SLC25A26: variants seen among roughly 807,000 people sequenced by gnomAD.
The protein encoded by SLC25A26 is mitochondrial S-adenosylmethionine carrier protein.
SLC25A26 carries 36 observed loss-of-function variants against 37.8 expected under a neutral mutation model. The observed-to-expected ratio is 0.95, with a 90% CI of 0.73 to 1.26. The LOEUF is 1.26. SLC25A26 is among the 50% of genes most tolerant of loss of function. The pLI is 0.00. For missense variants in SLC25A26, 390 were observed against 331.1 expected (o/e 1.18, Z -1.38); for synonymous variants, 129 against 122.5 (o/e 1.05, Z -0.35).
Position 66,243,347 on chromosome 3 carries a change from A to G in SLC25A26, c.300+35A>G, listed in dbSNP as rs1327242774. Reference sequence around the variant, plus strand: ...AAGTTTTGTGTATAAAATACTTCAGAAATGCACATCATGCATATATTTTCA... The same window carrying G: ...AAGTTTTGTGTATAAAATACTTCAGGAATGCACATCATGCATATATTTTCA... On this transcript the variant is annotated intron_variant, in intron 3 of 9. Transcript: ENST00000354883. 5.9e-6 allele frequency: 6 copies of G among 1,009,188 alleles called. No individual in the cohort carries two copies. In the East Asian group the frequency reaches 1.4e-4, roughly 24 times the overall value. 62.5% of individuals were successfully genotyped at this position (1,009,188 alleles called of 1,614,324 possible).
intron 5 of SLC25A26, among the ~76,000 whole-genome samples, chr3:66,338,099 A>G (rs960996328): frequency 6.6e-6 from 1 of 152,026 alleles, no homozygotes; most frequent in Admixed American, 6.5e-5. Context: ...ATAGAATCAT[A>G]TAGTCTGCAC....
chr3:66,328,456 A>G (rs1411208372), intron 5 of SLC25A26, among the ~76,000 whole-genome samples: 1 of 152,102 alleles, frequency 6.6e-6, no homozygotes, highest in African/African-American at 2.4e-5. Context: ...TGGACTCTAG[A>G]TTTCCTCATC....
chr3:66,363,522 T>C (rs1026411524), intron 7 of SLC25A26, among the ~76,000 whole-genome samples: 2 of 152,242 alleles, frequency 1.3e-5, no homozygotes, highest in African/African-American at 4.8e-5. Context: ...CTAAGTCATA[T>C]GAATTTTCAA....
chr3:66,300,011 T>G (rs895252814), intron 5 of SLC25A26, among the ~76,000 whole-genome samples: 2 of 152,204 alleles, frequency 1.3e-5, no homozygotes, highest in African/African-American at 4.8e-5. Flanking sequence ...ACGCAGCATC[T>G]GAGTTTCAGC....
chr3:66,183,462 G>A (rs527549206), intron 1 of SLC25A26, among the ~76,000 whole-genome samples: 6 of 151,740 alleles, frequency 4.0e-5, no homozygotes, highest in South Asian at 2.1e-4. Context: ...CCGTGTCCCC[G>A]AACATATGGC....
At chr3:66,353,608 G>GA (rs2076510073) in intron 6 of SLC25A26, among the ~76,000 whole-genome samples, 1 of 152,208 alleles carries the variant, frequency 6.6e-6, no homozygotes, top group South Asian at 2.1e-4. Flanking sequence ...TCAGCTCATT[G>GA]AAGGCATTTC....
At chr3:66,167,437 T>C (rs2070439943) in intron 1 of SLC25A26, among the ~76,000 whole-genome samples, 1 of 152,106 alleles carries the variant, frequency 6.6e-6, no homozygotes, top group Non-Finnish European at 1.5e-5. Flanking sequence ...GTAAGAGAGG[T>C]AGTTTGGCTT....
chr3:66,241,470 A>G (rs1229811642), intron 2 of SLC25A26, among the ~76,000 whole-genome samples: 1 of 152,176 alleles, frequency 6.6e-6, no homozygotes. Context: ...AAGATGTACA[A>G]TTAGCTGTAG....
At chr3:66,202,565 A>G (rs2071125478) in intron 1 of SLC25A26, among the ~76,000 whole-genome samples, 2 of 151,344 alleles carry the variant, frequency 1.3e-5, no homozygotes, top group Admixed American at 6.6e-5. Flanking sequence ...AAAAAAATCT[A>G]TTGGCAAAGT....
intron 5 of SLC25A26, among the ~76,000 whole-genome samples, chr3:66,266,225 A>G (rs912891260): frequency 1.3e-5 from 2 of 152,250 alleles, no homozygotes; most frequent in Non-Finnish European, 1.5e-5. Context: ...ATAGAATGAG[A>G]GAAGAATTAT....
chr3:66,332,125 A>G (rs1469534074), intron 5 of SLC25A26, among the ~76,000 whole-genome samples: 1 of 151,744 alleles, frequency 6.6e-6, no homozygotes, highest in Admixed American at 6.6e-5. Context: ...TTTGGTAGAG[A>G]TGGGGTTTCA....
chr3:66,190,026 T>C (rs2070906788), intron 1 of SLC25A26, among the ~76,000 whole-genome samples: 1 of 152,056 alleles, frequency 6.6e-6, no homozygotes, highest in African/African-American at 2.4e-5. Context: ...GAAACTACAG[T>C]TGAGGCTGGG....
At chr3:66,260,862 A>T (rs1363085616) in intron 3 of SLC25A26, among the ~76,000 whole-genome samples, 1 of 152,262 alleles carries the variant, frequency 6.6e-6, no homozygotes, top group Non-Finnish European at 1.5e-5. Flanking sequence ...GTGGCTTGCA[A>T]ACTGTAAAAT....
rs551882491 is a variant in SLC25A26 at position 66,258,560 on chromosome 3, A to G, written c.301-3491A>G. Among the ~76,000 whole-genome samples, 100 of 152,356 alleles carry G rather than the reference A, an allele frequency of 6.6e-4. 1 individual carries two copies. Among genetic ancestry groups the G allele is most frequent in the African/African-American group, 2.3e-3 (97 of 41,588 alleles). On this transcript the variant is annotated intron_variant, in intron 3 of 9. Transcript: ENST00000354883. Reference sequence around the variant, plus strand: ...CCAAACAGCACTGTTCAATGGAGATATAATGTAAGATGCAGGTGAAATTTT... The same window carrying G: ...CCAAACAGCACTGTTCAATGGAGATGTAATGTAAGATGCAGGTGAAATTTT...
chr3:66,227,127 G>A (rs1205814330), intron 1 of SLC25A26, among the ~76,000 whole-genome samples: 1 of 152,144 alleles, frequency 6.6e-6, no homozygotes, highest in Admixed American at 6.5e-5. Context: ...TTGTGAGTTC[G>A]TTTAATGCGA....
At chr3:66,371,170 A>G in intron 9 of SLC25A26, 2 of 1,455,482 alleles carry the variant, frequency 1.4e-6, no homozygotes, top group South Asian at 1.5e-5. Flanking sequence ...TTGAGATCTT[A>G]CAGGCATGTG....
chr3:66,138,083 C>T (rs1440912417), intron 1 of SLC25A26, among the ~76,000 whole-genome samples: 1 of 152,180 alleles, frequency 6.6e-6, no homozygotes, highest in Non-Finnish European at 1.5e-5. Flanking sequence ...ATCCACCCGC[C>T]TCAGCCTCCC....
chr3:66,201,675 T>C (rs2071112066), intron 1 of SLC25A26, among the ~76,000 whole-genome samples: 1 of 152,184 alleles, frequency 6.6e-6, no homozygotes, highest in Non-Finnish European at 1.5e-5. Flanking sequence ...TTTAAACTTG[T>C]CAAGTGAGTT....
chr3:66,220,557 CTTTA>C (rs1212919107), upstream of SLC25A26, among the ~76,000 whole-genome samples: 1 of 152,164 alleles, frequency 6.6e-6, no homozygotes. Context: ...TTTTCTATAT[CTTTA>C]TTTAATAATC....
Sources: gnomAD v4.1 joint callset for allele counts (sites outside exome capture counted in the v4.1 genomes callset) on GRCh38, gnomAD v4.1.1 for gene constraint, MANE v1.5 for transcripts, NCBI Gene and HGNC (gene_info 2026-07-23, HGNC 2026-07-21) for gene names.